Variants in PITPNM3 observed in about 807,000 individuals in gnomAD.
PITPNM3 encodes the protein membrane-associated phosphatidylinositol transfer protein 3.
PITPNM3 carries 26 observed loss-of-function variants against 102.0 expected under a neutral mutation model. The observed-to-expected ratio is 0.25, with a 90% confidence interval of 0.19 to 0.35. The LOEUF (loss-of-function observed/expected upper bound fraction) is 0.35. Among genes scored for constraint, PITPNM3 ranks in the 10% least tolerant of loss-of-function variants. The pLI, the probability that PITPNM3 is intolerant of heterozygous loss-of-function variation, is 1.00. For missense variants in PITPNM3, 1,083 were observed against 1,346.1 expected (o/e 0.80, Z 3.06); for synonymous variants, 578 against 558.6 (o/e 1.03, Z -0.49).
At chr17:6,554,524 A>G (rs937053205) in intron 1 of PITPNM3, among the ~76,000 whole-genome samples, 1 of 152,102 alleles carries the variant, frequency 6.6e-6, no homozygotes, top group Non-Finnish European at 1.5e-5. Context: ...TGCAGCAGAA[A>G]AAAACCAAAA....
intron 17 of PITPNM3, 151 bp downstream of exon 17, chr17:6,463,581 T>C: frequency 8.8e-7 from 1 of 1,134,694 alleles, no homozygotes; most frequent in Non-Finnish European, 1.2e-6. Flanking sequence ...CTCAATAAAT[T>C]ACTGTTGGAG....
intron 17 of PITPNM3, among the ~76,000 whole-genome samples, chr17:6,462,880 C>A (rs112079988): frequency 1.1e-4 from 17 of 150,302 alleles, no homozygotes; most frequent in African/African-American, 4.0e-4. Flanking sequence ...TGGGGAGCAC[C>A]ATGTGGAGCA....
In PITPNM3 at chr17:6,472,955, C is replaced by A. The variant is rs1905133760; in HGVS notation, c.1259-128G>T. The A allele has an allele frequency of 8.7e-7, 1 of 1,152,012 alleles. No individual in the cohort carries two copies. Among genetic ancestry groups the A allele is most frequent in the Non-Finnish European group, 1.3e-6 (1 of 795,024 alleles). 71.4% of individuals were successfully genotyped at this position (1,152,012 alleles called of 1,614,324 possible). On this transcript the variant is annotated intron_variant, in intron 10 of 19. Transcript: ENST00000262483. This position sits in a 1 kb window ranked among gnomAD's most constrained non-coding sequence, Gnocchi z 4.1. ...CAAGAGCCTCCCCGGGCTCCCTGCTCCCCACGGGAACAAAGCCATTACGTT... is the reference window on the plus strand; with the variant it reads ...CAAGAGCCTCCCCGGGCTCCCTGCTACCCACGGGAACAAAGCCATTACGTT...
intron 3 of PITPNM3, among the ~76,000 whole-genome samples, chr17:6,507,825 C>T (rs111653715): frequency 0.022 from 3,286 of 152,172 alleles, 119 homozygotes; most frequent in African/African-American, 0.074. Context: ...AGTCCATAGT[C>T]GGTACTCACG....
intron 1 of PITPNM3, among the ~76,000 whole-genome samples, chr17:6,553,853 GCCT>G: frequency 2.0e-5 from 3 of 152,236 alleles, no homozygotes; most frequent in South Asian, 4.1e-4. Context: ...TTCTCCTTGG[GCCT>G]CAGTTTCCCC....
At chr17:6,523,843 C>G (rs1303786375) in intron 3 of PITPNM3, among the ~76,000 whole-genome samples, 1 of 152,208 alleles carries the variant, frequency 6.6e-6, no homozygotes, top group East Asian at 1.9e-4. Context: ...GTACAGGGTG[C>G]CTTTCCTTTC....
chr17:6,481,841 A>C (rs1905702620), intron 6 of PITPNM3: 1 of 144,008 alleles, frequency 6.9e-6, no homozygotes, highest in Middle Eastern at 3.3e-3. Flanking sequence ...ATAGATAAAC[A>C]GAATAGAATG....
At position 6,501,548 on chromosome 17, in the gene PITPNM3, G is replaced by A. The variant is rs1472139130; in HGVS notation, c.274+1979C>T. Among the ~76,000 whole-genome samples the A allele has an allele frequency of 3.3e-5, 5 of 152,216 alleles. 1 individual carries two copies. Among genetic ancestry groups the A allele is most frequent in the Admixed American group, 2.0e-4 (3 of 15,298 alleles). ...CTAGAGCCTAGAGCCCAGAGCCCTC[G>A]ACATGCAAATCAGCCAGCCCTGCAT... On this transcript the variant is annotated intron_variant, in intron 4 of 19. Transcript: ENST00000262483.
Position 6,470,517 on chromosome 17 carries a change from A to ATCCACCAC in PITPNM3, c.1625-110_1625-109insGTGGTGGA. ...TGGTGGTGGATGCCCCACGTGGGGC[A>ATCCACCAC]CGGGTTTGGGCGGGAGCACCCTGGC... On this transcript the variant is annotated intron_variant, in intron 12 of 19. Coordinates refer to ENST00000262483, the MANE Select transcript of PITPNM3 (RefSeq NM_031220.4). The surrounding 1 kb of genome is among the most constrained non-coding windows in gnomAD (Gnocchi z 4.8). 6.7e-7 allele frequency: 1 copy of ATCCACCAC among 1,492,032 alleles called. No individual in the cohort carries two copies. The highest frequency in any genetic ancestry group is 9.3e-7 in the Non-Finnish European group (1 of 1,079,502). The allele number at this position is 1,492,032 out of a possible 1,614,324, so 92.4% of individuals were successfully genotyped here. A position where few individuals can be genotyped will look rare whatever the true frequency, so the allele number is the denominator to read the frequency against.
chr17:6,525,349 G>T lies in PITPNM3; in HGVS notation c.226+7C>A. Reference sequence around the variant, plus strand: ...ACATCCTGGTCATGAGAGAAGCAGAGTCTCACCTTGATGCTCGTCCAGTTT... The same window carrying T: ...ACATCCTGGTCATGAGAGAAGCAGATTCTCACCTTGATGCTCGTCCAGTTT... On this transcript the variant is annotated splice_region_variant and intron_variant, in intron 3 of 19. Transcript: ENST00000262483. 1 of 1,613,006 alleles carries T rather than the reference G, an allele frequency of 6.2e-7. No individual in the cohort carries two copies. The highest frequency in any genetic ancestry group is 8.5e-7 in the Non-Finnish European group (1 of 1,178,948).
rs760519436 is a variant in PITPNM3, at chr17:6,477,043, A to G, written c.1071T>C (p.His357=). Residue 357 remains histidine (H), a synonymous_variant, in exon 9 of 20, where the codon CAT becomes CAC. Coordinates refer to ENST00000262483, the MANE Select transcript of PITPNM3 (RefSeq NM_031220.4). ...GGAGGGGCTACCTTGAGAGGAAGGC[A>G]TGGTGCTGGGTGATGGCCTCGCAGT... ...TYDCEAITQH[H]AFLSSIHSSV... 3 of 1,614,140 alleles carry G rather than the reference A, an allele frequency of 1.9e-6. No homozygotes were observed. The South Asian group carries it at 3.3e-5, about 18-fold the overall frequency.
At position 6,482,048 on chromosome 17, in the gene PITPNM3, C is replaced by G. The variant is rs1567670407; in HGVS notation, c.587+1469G>C. Among the ~76,000 whole-genome samples, 22 of 102,960 alleles carry G rather than the reference C, an allele frequency of 2.1e-4. 1 individual carries two copies. Among genetic ancestry groups the G allele is most frequent in the East Asian group, 5.4e-4 (2 of 3,670 alleles). The allele number at this position is 102,960 out of a possible 152,430, so 67.5% of individuals were successfully genotyped here. A position where few individuals can be genotyped will look rare whatever the true frequency, so the allele number is the denominator to read the frequency against. On this transcript the variant is annotated intron_variant, in intron 6 of 19. Coordinates refer to ENST00000262483, the MANE Select transcript of PITPNM3 (RefSeq NM_031220.4). ...TCTCTCTCTCTCTGTCTGTCTCTCT[C>G]TCTCTCTCTCTCTCTCTGTCTCTCT...
rs1480437287 is a variant in PITPNM3, at chr17:6,468,660, C to T, written c.1774-319G>A. Among the ~76,000 whole-genome samples, 5 of 152,174 alleles carry T rather than the reference C, an allele frequency of 3.3e-5. No individual in the cohort carries two copies. The highest frequency in any genetic ancestry group is 7.4e-5 in the Non-Finnish European group (5 of 68,026). ...CAACAAGGTGGCCCTTTCTTAAGGC[C>T]GGCTTGAGTCCTGATCCCAGCCCCT... On this transcript the variant is annotated intron_variant, in intron 13 of 19. Transcript: ENST00000262483. This position sits in a 1 kb window ranked among gnomAD's most constrained non-coding sequence, Gnocchi z 5.2.
intron 4 of PITPNM3, among the ~76,000 whole-genome samples, chr17:6,495,444 A>G (rs565165175): frequency 1.4e-4 from 22 of 152,238 alleles, no homozygotes; most frequent in African/African-American, 5.3e-4. Flanking sequence ...AGAGATCCTC[A>G]CACCCTGGCC....
chr17:6,528,138 C>CT (rs1335722713), intron 2 of PITPNM3, among the ~76,000 whole-genome samples: 2 of 152,202 alleles, frequency 1.3e-5, no homozygotes, highest in Non-Finnish European at 2.9e-5. Context: ...TTCTATGGGT[C>CT]TGTGTCTCTC....
chr17:6,487,517 C>T (rs900500122), intron 4 of PITPNM3, among the ~76,000 whole-genome samples: 3 of 152,200 alleles, frequency 2.0e-5, no homozygotes, highest in Non-Finnish European at 2.9e-5. Flanking sequence ...TGAGCCCTGG[C>T]ATGCTCCTCG....
At chr17:6,522,576 T>A (rs1255105726) in intron 3 of PITPNM3, among the ~76,000 whole-genome samples, 2 of 151,260 alleles carry the variant, frequency 1.3e-5, no homozygotes, top group Non-Finnish European at 3.0e-5. Flanking sequence ...GAGCAAGGAG[T>A]TGTCATCGAG....
At chr17:6,544,755 G>A (rs912193241) in intron 1 of PITPNM3, among the ~76,000 whole-genome samples, 1 of 151,776 alleles carries the variant, frequency 6.6e-6, no homozygotes, top group African/African-American at 2.4e-5. Flanking sequence ...GGCGGCTGAT[G>A]CAGCTGAAAA....
chr17:6,519,181 C>CAAAAAAAA (rs1490830877), intron 3 of PITPNM3, among the ~76,000 whole-genome samples: 2 of 72,376 alleles, frequency 2.8e-5, no homozygotes, highest in Admixed American at 1.4e-4. Context: ...ACTAAAAATA[C>CAAAAAAAA]AAAAAATTAG....
Sources: gnomAD v4.1 joint callset for allele counts (sites outside exome capture counted in the v4.1 genomes callset) on GRCh38, gnomAD v4.1.1 for gene constraint, Gnocchi (gnomAD v3.1) non-coding constraint, MANE v1.5 for transcripts, NCBI Gene and HGNC (gene_info 2026-07-23, HGNC 2026-07-21) for gene names.